UPP2: variants seen among roughly 807,000 people sequenced by gnomAD.
The protein encoded by UPP2 is UPase 2.
In UPP2, 23 loss-of-function variants were observed where a neutral mutation model predicts 26.7. That is an observed-to-expected ratio of 0.86 (90% confidence interval 0.62 to 1.22). The LOEUF is 1.22. Ranked by LOEUF, UPP2 falls within the 50% of genes most tolerant of loss-of-function variation. The pLI is 0.00. For missense variants in UPP2, 387 were observed against 396.7 expected (o/e 0.98, Z 0.21); for synonymous variants, 127 against 141.3 (o/e 0.90, Z 0.72).
intron 3 of UPP2, among the ~76,000 whole-genome samples, chr2:158,092,093 T>C (rs960353214): frequency 2.6e-5 from 4 of 152,164 alleles, no homozygotes; most frequent in African/African-American, 7.2e-5. Context: ...GAGAGACAAA[T>C]TGAATGTATA....
chr2:158,061,832 C>T (rs540612119), intron 3 of UPP2, among the ~76,000 whole-genome samples: 2 of 152,254 alleles, frequency 1.3e-5, no homozygotes, highest in African/African-American at 4.8e-5. Flanking sequence ...ATCGCCTTTG[C>T]GTGCACAGAT....
chr2:158,098,389 C>T (rs1558929659), upstream of UPP2, among the ~76,000 whole-genome samples: 1 of 152,086 alleles, frequency 6.6e-6, no homozygotes, highest in Non-Finnish European at 1.5e-5. Flanking sequence ...GGAGAATTTC[C>T]ATATTCAGCT....
chr2:158,109,476 G>A (rs1256490640), intron 2 of UPP2, among the ~76,000 whole-genome samples: 3 of 152,136 alleles, frequency 2.0e-5, no homozygotes, highest in African/African-American at 4.8e-5. Context: ...TTCCATAATT[G>A]TTACTGTTTC....
intron 3 of UPP2, among the ~76,000 whole-genome samples, chr2:158,048,343 C>T (rs1346118856): frequency 3.9e-5 from 6 of 152,158 alleles, no homozygotes; most frequent in African/African-American, 1.2e-4. Context: ...TGGTGGCTCA[C>T]GCCTGTGATC....
At chr2:158,013,844 G>A (rs148941786) in intron 2 of UPP2, among the ~76,000 whole-genome samples, 2 of 152,200 alleles carry the variant, frequency 1.3e-5, no homozygotes, top group African/African-American at 4.8e-5. Context: ...TTGTGTGAAC[G>A]ACAAGCCCAG....
At chr2:158,123,137 T>C (rs1022892742) in intron 5 of UPP2, among the ~76,000 whole-genome samples, 1 of 152,166 alleles carries the variant, frequency 6.6e-6, no homozygotes, top group African/African-American at 2.4e-5. Flanking sequence ...AAGGTTTCCT[T>C]TCCTTGCTTC....
intron 3 of UPP2, among the ~76,000 whole-genome samples, chr2:158,050,400 T>A (rs1682133054): frequency 2.0e-5 from 3 of 152,166 alleles, no homozygotes; most frequent in South Asian, 2.1e-4. Flanking sequence ...TTTTTTTTTT[T>A]AAATGTACTA....
intron 3 of UPP2, among the ~76,000 whole-genome samples, chr2:158,050,629 C>T (rs1350555094): frequency 1.3e-5 from 2 of 151,450 alleles, no homozygotes; most frequent in African/African-American, 4.8e-5. Flanking sequence ...AAGACCCTGT[C>T]TCAAAAAAAG....
At chr2:157,995,884 T>C (rs1441321281) in intron 2 of UPP2, among the ~76,000 whole-genome samples, 1 of 151,374 alleles carries the variant, frequency 6.6e-6, no homozygotes, top group Non-Finnish European at 1.5e-5. Context: ...AAGTCCATTG[T>C]TGTAAAAAAA....
intron 3 of UPP2, among the ~76,000 whole-genome samples, chr2:158,054,345 G>T (rs1682212843): frequency 6.7e-6 from 1 of 149,988 alleles, no homozygotes; most frequent in Non-Finnish European, 1.5e-5. Flanking sequence ...TAAATGCCTG[G>T]TTTACTTTTT....
chr2:158,010,763 CTTTTTTTTT>C (rs34328148), intron 2 of UPP2, among the ~76,000 whole-genome samples: 1 of 82,908 alleles, frequency 1.2e-5, no homozygotes, highest in South Asian at 4.9e-4. Flanking sequence ...CCCTCTTTTT[CTTTTTTTTT>C]TTTTTTTTTT....
intron 2 of UPP2, among the ~76,000 whole-genome samples, chr2:157,996,130 G>T (rs1414117566): frequency 6.6e-6 from 1 of 152,060 alleles, no homozygotes; most frequent in Non-Finnish European, 1.5e-5. Context: ...TGGACTAAGG[G>T]GAACAGAAGA....
At chr2:158,107,282 C>T (rs949693371) in intron 2 of UPP2, among the ~76,000 whole-genome samples, 1 of 152,134 alleles carries the variant, frequency 6.6e-6, no homozygotes, top group African/African-American at 2.4e-5. Flanking sequence ...TTAGCAATTA[C>T]GAGAACAAAA....
chr2:158,058,901 T>A (rs116212052), intron 3 of UPP2, among the ~76,000 whole-genome samples: 160 of 152,234 alleles, frequency 1.1e-3, no homozygotes, highest in Non-Finnish European at 1.7e-3. Context: ...ACAATGCCTA[T>A]GAAAAAGGCA....
chr2:158,051,018 T>A (rs1682146045), intron 3 of UPP2, among the ~76,000 whole-genome samples: 1 of 152,064 alleles, frequency 6.6e-6, no homozygotes, highest in African/African-American at 2.4e-5. Flanking sequence ...TATCAAAACA[T>A]CTCAGGTACC....
At chr2:158,100,460 T>C (rs1683056426), upstream of UPP2, among the ~76,000 whole-genome samples, 1 of 152,304 alleles carries the variant, frequency 6.6e-6, no homozygotes, top group South Asian at 2.1e-4. Context: ...AATTGGTGGT[T>C]CTCCTCATTA....
At chr2:158,117,068 T>C (rs1683447262) in intron 3 of UPP2, among the ~76,000 whole-genome samples, 1 of 152,064 alleles carries the variant, frequency 6.6e-6, no homozygotes, top group African/African-American at 2.4e-5. Flanking sequence ...ATGTCAGGAA[T>C]TAAGTTACTA....
chr2:158,114,246 C>A (rs1355855927), intron 2 of UPP2, among the ~76,000 whole-genome samples: 1 of 152,142 alleles, frequency 6.6e-6, no homozygotes, highest in East Asian at 1.9e-4. Flanking sequence ...CTTGCTGTGG[C>A]CTGTGCTTCC....
intron 3 of UPP2, among the ~76,000 whole-genome samples, chr2:158,043,079 A>C (rs1684103230): frequency 6.6e-6 from 1 of 152,170 alleles, no homozygotes; most frequent in South Asian, 2.1e-4. Context: ...TTGGGAAACC[A>C]CCCTTTGAAG....
Sources: gnomAD v4.1 joint callset for allele counts (sites outside exome capture counted in the v4.1 genomes callset) on GRCh38, gnomAD v4.1.1 for gene constraint, MANE v1.5 for transcripts, NCBI Gene and HGNC (gene_info 2026-07-23, HGNC 2026-07-21) for gene names.